PHLPP1: variants seen among roughly 807,000 people sequenced by gnomAD.
PHLPP1 encodes the protein PH domain and leucine rich repeat protein phosphatase 1.
PHLPP1 carries 42 observed loss-of-function variants against 117.2 expected under a neutral mutation model. The ratio of observed to expected loss-of-function variants is 0.36; its 90% CI spans 0.28 to 0.46. The LOEUF (loss-of-function observed/expected upper bound fraction) is 0.46, where lower values mean the gene tolerates loss of function less well. Among genes scored for constraint, PHLPP1 ranks in the 20% least tolerant of loss-of-function variants. The pLI, the probability that PHLPP1 is intolerant of heterozygous loss-of-function variation, is 1.00. For synonymous variants in PHLPP1, 1,042 were observed against 970.7 expected (o/e 1.07, Z -1.37); for missense variants, 2,084 against 2,241.9 (o/e 0.93, Z 1.42).
chr18:62,731,141 G>A (rs1157023443), intron 1 of PHLPP1: 1 of 152,068 alleles, frequency 6.6e-6, no homozygotes, highest in Non-Finnish European at 1.5e-5. Context: ...TTTTCCAACA[G>A]CATGTGCTCA....
intron 12 of PHLPP1, among the ~76,000 whole-genome samples, chr18:62,953,837 G>C (rs1036022224): frequency 6.6e-6 from 1 of 152,232 alleles, no homozygotes; most frequent in African/African-American, 2.4e-5. Flanking sequence ...GCACGGTGGA[G>C]GTGGTGGACT....
intron 2 of PHLPP1, among the ~76,000 whole-genome samples, 179 bp downstream of exon 2, chr18:62,830,410 G>A (rs1468081192): frequency 6.6e-6 from 1 of 152,070 alleles, no homozygotes; most frequent in East Asian, 1.9e-4. Context: ...TGTATTTTTA[G>A]TAGAGATGGG....
At chr18:62,884,894 A>G (rs537002495) in intron 4 of PHLPP1, among the ~76,000 whole-genome samples, 12 of 152,320 alleles carry the variant, frequency 7.9e-5, no homozygotes, top group African/African-American at 2.6e-4. Context: ...ATTTTAGTCA[A>G]GTTTTCAAGT....
Position 62,717,086 on chromosome 18 carries a change from C to T in PHLPP1, c.1403C>T (p.Pro468Leu), listed in dbSNP as rs926549439. 3.2e-6 allele frequency: 5 copies of T among 1,550,100 alleles called. No homozygotes were observed. The highest frequency in any genetic ancestry group is 4.4e-6 in the Non-Finnish European group (5 of 1,147,868). Residue 468 changes from proline to leucine, a missense_variant, in exon 1 of 17, where the codon CCG (proline) becomes CTG (leucine). Physicochemically the swap from Pro to Leu is moderately conservative, Grantham distance 98 (BLOSUM62 -3). Transcript: ENST00000262719. ...GAGAAGGCGCCTCCGCCGCCCCCGC[C>T]GCCCACCCTGTACGTGCAGCTCCAC... ...TAEKAPPPPP[P>L]PTLYVQLHGE...
chr18:62,872,421 A>G (rs1165984075), intron 4 of PHLPP1, among the ~76,000 whole-genome samples: 1 of 152,028 alleles, frequency 6.6e-6, no homozygotes, highest in Non-Finnish European at 1.5e-5. Context: ...GGCCAGATGC[A>G]GTGGCTCAGG....
At chr18:62,745,872 A>G (rs1043808100) in intron 1 of PHLPP1, among the ~76,000 whole-genome samples, 2 of 152,188 alleles carry the variant, frequency 1.3e-5, no homozygotes, top group African/African-American at 2.4e-5. Flanking sequence ...GGAAAACTAT[A>G]AAGATTTGAA....
intron 4 of PHLPP1, among the ~76,000 whole-genome samples, chr18:62,876,709 A>G (rs966538656): frequency 6.6e-6 from 1 of 152,242 alleles, no homozygotes; most frequent in African/African-American, 2.4e-5. Context: ...AGTCACTTAG[A>G]ATGATTATTG....
At chr18:62,823,505 T>C (rs1914525169) in intron 1 of PHLPP1, among the ~76,000 whole-genome samples, 3 of 151,712 alleles carry the variant, frequency 2.0e-5, no homozygotes, top group Admixed American at 2.0e-4. Context: ...GTTGAGACTG[T>C]AGCAAGCTGT....
At chr18:62,916,364 C>T (rs989664173) in intron 9 of PHLPP1, among the ~76,000 whole-genome samples, 1 of 150,618 alleles carries the variant, frequency 6.6e-6, no homozygotes, top group African/African-American at 2.4e-5. Flanking sequence ...AATGTGGCTA[C>T]TAGATAATTT....
intron 2 of PHLPP1, 160 bp from the exon 3 acceptor site, chr18:62,838,624 T>C (rs1483527296): frequency 8.7e-6 from 5 of 573,740 alleles, no homozygotes; most frequent in Non-Finnish European, 1.5e-5. Context: ...TAATTCAAAT[T>C]GGGTGATCAT....
chr18:62,775,276 T>G (rs144681946), intron 1 of PHLPP1, among the ~76,000 whole-genome samples: 335 of 152,294 alleles, frequency 2.2e-3, no homozygotes, highest in African/African-American at 7.8e-3. Context: ...TTTTTGTATT[T>G]TTAGTAGAGA....
chr18:62,916,285 G>T (rs565220), intron 9 of PHLPP1, among the ~76,000 whole-genome samples: 66,672 of 151,004 alleles, frequency 0.44, 15,176 homozygotes, highest in Middle Eastern at 0.56. Flanking sequence ...TTAATATTTG[G>T]GGTATATTCT....
At chr18:62,975,013 G>A (rs188540524) in intron 15 of PHLPP1, among the ~76,000 whole-genome samples, 1 of 152,310 alleles carries the variant, frequency 6.6e-6, no homozygotes, top group East Asian at 1.9e-4. Context: ...GGACAGAGGG[G>A]ATTTAGAGAA....
intron 16 of PHLPP1, among the ~76,000 whole-genome samples, chr18:62,977,024 G>A (rs1911208343): frequency 6.6e-6 from 1 of 152,172 alleles, no homozygotes; most frequent in Admixed American, 6.5e-5. Flanking sequence ...CTAAAGGGAT[G>A]GACAGAACAG....
intron 10 of PHLPP1, among the ~76,000 whole-genome samples, chr18:62,934,707 A>G (rs1019369330): frequency 1.3e-5 from 2 of 152,210 alleles, no homozygotes; most frequent in African/African-American, 4.8e-5. Context: ...TCTGAATCTA[A>G]AATAAAATAT....
chr18:62,779,039 G>C lies in PHLPP1; in HGVS notation c.1577-50996G>C, dbSNP rs545154840. 8.2e-4 allele frequency among the ~76,000 whole-genome samples: 125 copies of C among 152,282 alleles called. 1 individual carries two copies. Among genetic ancestry groups the C allele is most frequent in the African/African-American group, 2.9e-3 (122 of 41,548 alleles). On this transcript the variant is annotated intron_variant, in intron 1 of 16. Coordinates refer to ENST00000262719, the MANE Select transcript of PHLPP1 (RefSeq NM_194449.4). Reference sequence around the variant, plus strand: ...TTGTATTCATATGTAATTAGACCCTGTCATGCTCCTATTTAAAACCTTCCA... The same window carrying C: ...TTGTATTCATATGTAATTAGACCCTCTCATGCTCCTATTTAAAACCTTCCA...
At chr18:62,754,492 A>G (rs1280242687) in intron 1 of PHLPP1, among the ~76,000 whole-genome samples, 2 of 152,242 alleles carry the variant, frequency 1.3e-5, no homozygotes, top group Non-Finnish European at 2.9e-5. Context: ...GTTAAGAGGA[A>G]CAAGAAGATT....
chr18:62,809,114 T>C (rs1344384197), intron 1 of PHLPP1, among the ~76,000 whole-genome samples: 1 of 152,218 alleles, frequency 6.6e-6, no homozygotes, highest in Non-Finnish European at 1.5e-5. Flanking sequence ...AAAATATATG[T>C]TTTATTTGAA....
Position 62,978,390 on chromosome 18 carries a change from AGGCAGTAAG to A in PHLPP1, c.4116_4124del (p.Ser1373_Gly1375del). On this transcript the variant is annotated inframe_deletion, in exon 17 of 17. Transcript: ENST00000262719. The surrounding 1 kb of genome is among the most constrained non-coding windows in gnomAD (Gnocchi z 7.0). ...CTCCCCAGGATGAGTTCTTCATCCTAGGCAGTAAGGGGTTGTGGGACAGCCTGTCCGTCG... is the reference window on the plus strand; with the variant it reads ...CTCCCCAGGATGAGTTCTTCATCCTAGGGTTGTGGGACAGCCTGTCCGTCG... 6.2e-7 allele frequency: 1 copy of A among 1,611,758 alleles called. No individual in the cohort carries two copies. Among genetic ancestry groups the A allele is most frequent in the Admixed American group, 1.7e-5 (1 of 59,818 alleles).
Sources: gnomAD v4.1 joint callset for allele counts (sites outside exome capture counted in the v4.1 genomes callset) on GRCh38, gnomAD v4.1.1 for gene constraint, Gnocchi (gnomAD v3.1) non-coding constraint, MANE v1.5 for transcripts, NCBI Gene and HGNC (gene_info 2026-07-23, HGNC 2026-07-21) for gene names.